Variants in LHX6 observed in about 807,000 individuals in gnomAD.
LHX6 encodes LIM/homeobox protein Lhx6.
In LHX6, 15 loss-of-function variants were observed where a neutral mutation model predicts 47.1. The observed-to-expected ratio is 0.32, with a 90% CI of 0.21 to 0.49. The LOEUF (loss-of-function observed/expected upper bound fraction) is 0.49, where lower values mean the gene tolerates loss of function less well. LHX6 is among the 20% of genes least tolerant of loss of function. The pLI is 0.99. For synonymous variants in LHX6, 242 were observed against 233.5 expected (o/e 1.04, Z -0.33); for missense variants, 404 against 539.6 (o/e 0.75, Z 2.49).
intron 4 of LHX6, among the ~76,000 whole-genome samples, chr9:122,223,627 C>G (rs972703694): frequency 2.6e-5 from 4 of 152,186 alleles, no homozygotes; most frequent in African/African-American, 9.7e-5. Context: ...ACTGGCCAGA[C>G]TGGGCCCAGT....
Position 122,202,924 on chromosome 9 carries a change from A to C in LHX6, c.*1836T>G, listed in dbSNP as rs1830040937. 1 of 152,378 alleles carries C rather than the reference A, an allele frequency of 6.6e-6. No individual in the cohort carries two copies. The highest frequency in any genetic ancestry group is 1.5e-5 in the Non-Finnish European group (1 of 68,036). The allele number at this position is 152,378 out of a possible 1,614,324, so 9.4% of individuals were successfully genotyped here. ...TAGGGCTTGGTTGGCCACTTACCAC[A>C]TGGTTGCCACTGGGGCCTTGATGAT... On this transcript the variant is annotated 3_prime_UTR_variant, in exon 10 of 10. Coordinates refer to ENST00000394319, the MANE Select transcript of LHX6 (RefSeq NM_014368.5).
chr9:122,226,301 C>T lies in LHX6; in HGVS notation c.461+75G>A, dbSNP rs773545585. The T allele has an allele frequency of 1.8e-5, 28 of 1,530,324 alleles. No homozygotes were observed. Among genetic ancestry groups the T allele is most frequent in the South Asian group, 7.6e-5 (6 of 79,080 alleles). 94.8% of individuals were successfully genotyped at this position (1,530,324 alleles called of 1,614,324 possible). On this transcript the variant is annotated intron_variant, in intron 4 of 9. Coordinates refer to ENST00000394319, the MANE Select transcript of LHX6 (RefSeq NM_014368.5). This position sits in a 1 kb window ranked among gnomAD's most constrained non-coding sequence, Gnocchi z 6.5. ...CCGGGGTTCTGGAGGAGAGACCACA[C>T]GCCGCAAAAGTGGCCTCCGAATGCG...
At chr9:122,225,833 C>T (rs1025086336) in intron 4 of LHX6, among the ~76,000 whole-genome samples, 5 of 152,138 alleles carry the variant, frequency 3.3e-5, no homozygotes, top group Non-Finnish European at 5.9e-5. Flanking sequence ...GAGACGGTTG[C>T]GGCGCTGGTG....
Position 122,214,206 on chromosome 9 carries a change from G to T in LHX6, c.783+77C>A. On this transcript the variant is annotated intron_variant, in intron 6 of 9. Transcript: ENST00000394319. This position sits in a 1 kb window ranked among gnomAD's most constrained non-coding sequence, Gnocchi z 4.6. The stretch of plus-strand genomic sequence containing the variant: ...GCCACCCGGGTCCGGCCCGAGGGGC[G>T]GAGCCAGGAGACATTGTCGGCCCCG... 1 of 1,391,216 alleles carries T rather than the reference G, an allele frequency of 7.2e-7. No individual in the cohort carries two copies. The highest frequency in any genetic ancestry group is 9.5e-7 in the Non-Finnish European group (1 of 1,049,380). The allele number at this position is 1,391,216 out of a possible 1,614,324, so 86.2% of individuals were successfully genotyped here. A position where few individuals can be genotyped will look rare whatever the true frequency, so the allele number is the denominator to read the frequency against.
rs745463090 is a variant in LHX6, at chr9:122,217,102, G to A, written c.648C>T (p.Thr216=). Residue 216 remains threonine, a synonymous_variant, in exon 5 of 10, where the codon ACC becomes ACT. Transcript: ENST00000394319. This position sits in a 1 kb window ranked among gnomAD's most constrained non-coding sequence, Gnocchi z 4.9. ...EKVLCRIHYD[T]MIENLKRAAE... is the part of the protein sequence containing the mutation. ...CGGCCCTCTTGAGGTTCTCAATCAT[G>A]GTGTCGTAGTGGATGCGGCAGAGCA... is the stretch of plus-strand genomic sequence containing the variant. The A allele has an allele frequency of 3.7e-6, 6 of 1,614,072 alleles. No homozygotes were observed. The East Asian group carries it at 1.1e-4, about 30-fold the overall frequency.
intron 8 of LHX6, among the ~76,000 whole-genome samples, chr9:122,211,299 A>C (rs553099961): frequency 2.0e-5 from 3 of 152,302 alleles, no homozygotes; most frequent in African/African-American, 7.2e-5. Flanking sequence ...AGTTATATTA[A>C]ATTGGGAGTT....
At chr9:122,216,880 C>T (rs1397366868) in intron 5 of LHX6, among the ~76,000 whole-genome samples, 188 bp downstream of exon 5, 1 of 152,174 alleles carries the variant, frequency 6.6e-6, no homozygotes, top group Non-Finnish European at 1.5e-5. Context: ...GCAGTGACTT[C>T]TGACTCCTAA....
In LHX6 at chr9:122,204,627, G is replaced by A; in HGVS notation, c.*133C>T. ...AGGCCAGGCCTCGGGAACCGACCTG[G>A]TGGTGGGCAGGATGGCGGACGGGGG... is the stretch of plus-strand genomic sequence containing the variant. On this transcript the variant is annotated 3_prime_UTR_variant, in exon 10 of 10. Coordinates refer to ENST00000394319, the MANE Select transcript of LHX6 (RefSeq NM_014368.5). The A allele has an allele frequency of 3.6e-6, 4 of 1,110,188 alleles. No individual in the cohort carries two copies. The highest frequency in any genetic ancestry group is 2.7e-5 in the East Asian group (1 of 36,796). 68.8% of individuals were successfully genotyped at this position (1,110,188 alleles called of 1,614,324 possible). A position where few individuals can be genotyped will look rare whatever the true frequency, so the allele number is the denominator to read the frequency against.
chr9:122,213,628 G>A lies in LHX6; in HGVS notation c.1032C>T (p.Val344=). 6.2e-7 allele frequency: 1 copy of A among 1,605,038 alleles called. No individual in the cohort carries two copies. Among genetic ancestry groups the A allele is most frequent in the South Asian group, 1.1e-5 (1 of 90,742 alleles). Residue 344 remains valine, a synonymous_variant, in exon 8 of 10, where the codon GTC becomes GTT. Transcript: ENST00000394319. The surrounding 1 kb of genome is among the most constrained non-coding windows in gnomAD (Gnocchi z 5.5). ...TACTCTCAATGTAGCCGTGCAGGGTGACCATGCGCGCCCGCTCGGGGCTGC... is the reference window on the plus strand; with the variant it reads ...TACTCTCAATGTAGCCGTGCAGGGTAACCATGCGCGCCCGCTCGGGGCTGC... ...PFSSPERARM[V]TLHGYIESQV...
intron 4 of LHX6, among the ~76,000 whole-genome samples, chr9:122,220,303 T>A (rs898782485): frequency 4.6e-5 from 7 of 152,224 alleles, no homozygotes; most frequent in Non-Finnish European, 8.8e-5. Flanking sequence ...GTGCTCCTCG[T>A]GGCTCAGCTC....
rs1554807159 is a variant in LHX6, at chr9:122,203,910, G to A, written c.*850C>T. The A allele has an allele frequency of 6.6e-6, 1 of 152,254 alleles. No individual in the cohort carries two copies. The highest frequency in any genetic ancestry group is 1.5e-5 in the Non-Finnish European group (1 of 68,076). The allele number at this position is 152,254 out of a possible 1,614,324, so 9.4% of individuals were successfully genotyped here. On this transcript the variant is annotated 3_prime_UTR_variant, in exon 10 of 10. Coordinates refer to ENST00000394319, the MANE Select transcript of LHX6 (RefSeq NM_014368.5). ...CAACTCTAACCTGTCCAAACATTCA[G>A]AAGAGTCATGGCACAGATCGAATAC...
At chr9:122,209,819 C>A in intron 8 of LHX6, 102 bp from the exon 9 acceptor site, 1 of 614,084 alleles carries the variant, frequency 1.6e-6, no homozygotes, top group Non-Finnish European at 2.9e-6. Flanking sequence ...CCAGTTTCAT[C>A]TCTGCCACTT....
chr9:122,226,915 A>G lies in LHX6; in HGVS notation c.272T>C (p.Val91Ala). Reference sequence around the variant, plus strand: ...GCAGATGTTCTTGCCTGCAGACGGCACGGAGGAGGCGGCAGAGGGCGGTGA... The same window carrying G: ...GCAGATGTTCTTGCCTGCAGACGGCGCGGAGGAGGCGGCAGAGGGCGGTGA... ...VCSPPSAASSVPSAGKNICSS... is the reference protein window; with the variant it reads ...VCSPPSAASSAPSAGKNICSS... The change falls in exon 3 of 10, where the codon GTG (valine) becomes GCG (alanine). Residue 91 changes from valine (V) to alanine (A), a missense_variant. By Grantham distance (64) the Val-to-Ala change is moderately conservative. Transcript: ENST00000394319. This position sits in a 1 kb window ranked among gnomAD's most constrained non-coding sequence, Gnocchi z 6.5. 1 of 1,563,062 alleles carries G rather than the reference A, an allele frequency of 6.4e-7. No homozygotes were observed. The highest frequency in any genetic ancestry group is 8.7e-7 in the Non-Finnish European group (1 of 1,153,724).
intron 4 of LHX6, among the ~76,000 whole-genome samples, chr9:122,225,509 C>T (rs541097280): frequency 1.2e-4 from 18 of 152,372 alleles, no homozygotes; most frequent in African/African-American, 4.3e-4. Flanking sequence ...CAGGAGGATG[C>T]GCCTGGCTGC....
rs1325789405 is a variant in LHX6 at position 122,202,650 on chromosome 9, A to G, written c.*2110T>C. Reference sequence around the variant, plus strand: ...ACAAATAAGACATTTACAAAGCACGACATGAAAGGTATGTAACAAAACAGA... The same window carrying G: ...ACAAATAAGACATTTACAAAGCACGGCATGAAAGGTATGTAACAAAACAGA... On this transcript the variant is annotated 3_prime_UTR_variant, in exon 10 of 10. Transcript: ENST00000394319. The G allele has an allele frequency of 6.6e-6, 1 of 152,640 alleles. No homozygotes were observed. The highest frequency in any genetic ancestry group is 1.5e-5 in the Non-Finnish European group (1 of 68,046). The allele number at this position is 152,640 out of a possible 1,614,324, so 9.5% of individuals were successfully genotyped here. A position where few individuals can be genotyped will look rare whatever the true frequency, so the allele number is the denominator to read the frequency against.
At chr9:122,220,969 A>T in intron 4 of LHX6, 1 of 438,072 alleles carries the variant, frequency 2.3e-6, no homozygotes, top group Non-Finnish European at 3.0e-6. Flanking sequence ...TTTCACCTCG[A>T]CCCCTTCTCC....
chr9:122,228,384 G>A (rs1225773702), intron 1 of LHX6: 2 of 1,511,400 alleles, frequency 1.3e-6, no homozygotes, highest in East Asian at 5.0e-5. Flanking sequence ...TATTCAGACG[G>A]ACAATACCGG....
At position 122,204,522 on chromosome 9, in the gene LHX6, A is replaced by G. The variant is rs552150886; in HGVS notation, c.*238T>C. On this transcript the variant is annotated 3_prime_UTR_variant, in exon 10 of 10. Coordinates refer to ENST00000394319, the MANE Select transcript of LHX6 (RefSeq NM_014368.5). The stretch of plus-strand genomic sequence containing the variant: ...AACAGGCTGTTTCCACCCTGATTCC[A>G]GATTTCAGGGAGTTCTGCCTTCCAA... The G allele has an allele frequency of 3.2e-4, 136 of 424,548 alleles. 1 individual carries two copies. Among genetic ancestry groups the G allele is most frequent in the Non-Finnish European group, 4.7e-4 (111 of 238,304 alleles). 26.3% of individuals were successfully genotyped at this position (424,548 alleles called of 1,614,324 possible).
intron 9 of LHX6, among the ~76,000 whole-genome samples, chr9:122,205,382 G>A (rs1221768758): frequency 2.0e-5 from 3 of 152,238 alleles, no homozygotes; most frequent in African/African-American, 7.2e-5. Context: ...AGAAGTGCGT[G>A]GCTCAGACAC....
Sources: gnomAD v4.1 joint callset for allele counts (sites outside exome capture counted in the v4.1 genomes callset) on GRCh38, gnomAD v4.1.1 for gene constraint, Gnocchi (gnomAD v3.1) non-coding constraint, MANE v1.5 for transcripts, NCBI Gene and HGNC (gene_info 2026-07-23, HGNC 2026-07-21) for gene names.